The following ZNF385D variants were observed in gnomAD, a reference collection of about 807,000 sequenced individuals.
ZNF385D encodes the protein zinc finger protein 659.
In ZNF385D, 15 loss-of-function variants were observed where a neutral mutation model predicts 35.8. The observed-to-expected ratio is 0.42, with a 90% confidence interval of 0.28 to 0.64. The LOEUF (loss-of-function observed/expected upper bound fraction) is 0.64. Among genes scored for constraint, ZNF385D ranks in the 30% least tolerant of loss-of-function variants. The probability of loss-of-function intolerance (pLI) is 0.23; values close to 1 mark genes in which losing one functional copy is unlikely to be tolerated. For missense variants in ZNF385D, 474 were observed against 494.6 expected (o/e 0.96, Z 0.39); for synonymous variants, 212 against 186.8 (o/e 1.13, Z -1.10).
intron 3 of ZNF385D, among the ~76,000 whole-genome samples, chr3:21,995,478 AG>A (rs1553715584): frequency 6.6e-6 from 1 of 152,094 alleles, no homozygotes; most frequent in Non-Finnish European, 1.5e-5. Context: ...ACCCATCTCC[AG>A]GCCCCCTGAA....
chr3:21,893,521 C>T (rs1189616020), intron 3 of ZNF385D, among the ~76,000 whole-genome samples: 1 of 152,094 alleles, frequency 6.6e-6, no homozygotes, highest in Non-Finnish European at 1.5e-5. Flanking sequence ...ACTTAACTAG[C>T]CTTTATGTGA....
chr3:21,942,227 C>T (rs1263908285), intron 3 of ZNF385D, among the ~76,000 whole-genome samples: 3 of 152,236 alleles, frequency 2.0e-5, no homozygotes, highest in Admixed American at 6.5e-5. Context: ...TTGTTATTCA[C>T]GTAGTTTGTT....
At chr3:21,710,415 A>C (rs578112535) in intron 1 of ZNF385D, among the ~76,000 whole-genome samples, 1 of 152,230 alleles carries the variant, frequency 6.6e-6, no homozygotes, top group Non-Finnish European at 1.5e-5. Context: ...AACCCAATTT[A>C]TTTTTTATAA....
intron 1 of ZNF385D, among the ~76,000 whole-genome samples, chr3:21,700,553 A>T (rs979145499): frequency 6.6e-6 from 1 of 152,176 alleles, no homozygotes; most frequent in Non-Finnish European, 1.5e-5. Context: ...GCTGGAGATG[A>T]CAGAAGACCT....
chr3:21,518,797 T>C (rs1490961471), intron 3 of ZNF385D, among the ~76,000 whole-genome samples: 1 of 152,162 alleles, frequency 6.6e-6, no homozygotes, highest in Non-Finnish European at 1.5e-5. Context: ...AATAGTTCAT[T>C]GTTATAAAAT....
intron 1 of ZNF385D, among the ~76,000 whole-genome samples, chr3:21,685,412 G>T (rs993161152): frequency 6.6e-6 from 1 of 152,190 alleles, no homozygotes; most frequent in Non-Finnish European, 1.5e-5. Flanking sequence ...GTTCATAAAA[G>T]ACAGCAGAAG....
intron 3 of ZNF385D, among the ~76,000 whole-genome samples, chr3:21,913,296 T>G (rs1700052451): frequency 6.6e-6 from 1 of 151,994 alleles, no homozygotes; most frequent in Admixed American, 6.6e-5. Context: ...CAGAGTAGAG[T>G]ACTTCTAACT....
chr3:21,902,796 T>G lies in ZNF385D; in HGVS notation c.326-237768A>C, dbSNP rs868384189. Among the ~76,000 whole-genome samples the G allele has an allele frequency of 2.6e-5, 4 of 152,158 alleles. No individual in the cohort carries two copies. The South Asian group carries it at 8.3e-4, about 32-fold the overall frequency. On this transcript the variant is annotated intron_variant, in intron 3 of 5. Coordinates refer to the ZNF385D transcript ENST00000494108. Reference sequence around the variant, plus strand: ...CATGTCACATGTATACATATGCATATGTAACTAACCTGCACATTGTGTACA... The same window carrying G: ...CATGTCACATGTATACATATGCATAGGTAACTAACCTGCACATTGTGTACA...
chr3:21,689,604 G>C (rs2067217058), intron 1 of ZNF385D, among the ~76,000 whole-genome samples: 1 of 152,080 alleles, frequency 6.6e-6, no homozygotes, highest in Non-Finnish European at 1.5e-5. Context: ...TTGAAAACCT[G>C]CTTGCTTCTT....
chr3:21,966,942 T>C (rs1365463737), intron 3 of ZNF385D, among the ~76,000 whole-genome samples: 1 of 152,206 alleles, frequency 6.6e-6, no homozygotes, highest in African/African-American at 2.4e-5. Context: ...TGAGTGTGCA[T>C]GCACATGCAC....
At chr3:21,510,681 A>T (rs1228809932) in intron 4 of ZNF385D, among the ~76,000 whole-genome samples, 180 bp downstream of exon 4, 1 of 152,182 alleles carries the variant, frequency 6.6e-6, no homozygotes, top group African/African-American at 2.4e-5. Flanking sequence ...ATAATTAGTG[A>T]TTATCTTAAT....
intron 3 of ZNF385D, among the ~76,000 whole-genome samples, chr3:21,795,412 T>C (rs1296761058): frequency 6.6e-6 from 1 of 152,234 alleles, no homozygotes; most frequent in African/African-American, 2.4e-5. Context: ...GCGGGGCACA[T>C]AGCCATTAGC....
At chr3:21,916,232 T>C (rs912297700) in intron 3 of ZNF385D, among the ~76,000 whole-genome samples, 2 of 152,170 alleles carry the variant, frequency 1.3e-5, no homozygotes, top group African/African-American at 4.8e-5. Context: ...AATTGGAATA[T>C]TCAAAAGTAA....
At chr3:22,130,568 C>T (rs1225187233) in intron 3 of ZNF385D, among the ~76,000 whole-genome samples, 2 of 152,142 alleles carry the variant, frequency 1.3e-5, no homozygotes, top group Non-Finnish European at 2.9e-5. Flanking sequence ...TCTGCTGTGA[C>T]AGGGCAGCAC....
At chr3:22,262,115 T>C (rs1700663509) in intron 2 of ZNF385D, among the ~76,000 whole-genome samples, 1 of 152,060 alleles carries the variant, frequency 6.6e-6, no homozygotes, top group South Asian at 2.1e-4. Flanking sequence ...TTTCAAATGT[T>C]ATTTTTTAAT....
At chr3:22,223,967 C>G (rs957395133) in intron 2 of ZNF385D, among the ~76,000 whole-genome samples, 17 of 152,214 alleles carry the variant, frequency 1.1e-4, no homozygotes, top group Middle Eastern at 3.4e-3. Context: ...TGGCCTATTT[C>G]CAGCATTTGG....
intron 3 of ZNF385D, among the ~76,000 whole-genome samples, chr3:21,511,949 C>G (rs970140340): frequency 6.6e-6 from 1 of 151,172 alleles, no homozygotes; most frequent in African/African-American, 2.4e-5. Flanking sequence ...GAGATCAAGA[C>G]TATCCTGGCC....
chr3:22,279,703 T>G (rs2125377697), intron 2 of ZNF385D, among the ~76,000 whole-genome samples: 1 of 151,718 alleles, frequency 6.6e-6, no homozygotes, highest in East Asian at 1.9e-4. Context: ...GAATTTGGGC[T>G]GGTGCCATAT....
intron 3 of ZNF385D, among the ~76,000 whole-genome samples, chr3:22,008,381 G>A (rs543765714): frequency 3.2e-3 from 96 of 29,624 alleles, no homozygotes; most frequent in African/African-American, 0.024. Flanking sequence ...TTGAGGCGGA[G>A]TCTCGCTGTT....
Sources: gnomAD v4.1 joint callset for allele counts (sites outside exome capture counted in the v4.1 genomes callset) on GRCh38, gnomAD v4.1.1 for gene constraint, MANE v1.5 for transcripts, NCBI Gene and HGNC (gene_info 2026-07-23, HGNC 2026-07-21) for gene names.